The following TCF4 variants were observed in gnomAD, a reference collection of about 807,000 sequenced individuals.
TCF4 encodes transcription factor 4, also known as SL3-3 enhancer factor 2.
TCF4 carries 3 observed loss-of-function variants against 82.1 expected under a neutral mutation model. The observed-to-expected ratio is 0.04, with a 90% CI of 0.02 to 0.09. The LOEUF (loss-of-function observed/expected upper bound fraction) is 0.09. TCF4 is among the 10% of genes least tolerant of loss of function. The pLI is 1.00. For missense variants in TCF4, 518 were observed against 852.7 expected, an observed-to-expected ratio of 0.61 and a Z score of 4.89; for synonymous variants, 276 against 309.6, an observed-to-expected ratio of 0.89 and a Z score of 1.14.
At chr18:55,333,970 A>G (rs565177430) in intron 8 of TCF4, among the ~76,000 whole-genome samples, 1 of 152,274 alleles carries the variant, frequency 6.6e-6, no homozygotes, top group South Asian at 2.1e-4. Context: ...GACCCCTTTC[A>G]TGAATTTTTA....
chr18:55,615,419 C>CT (rs145887715), intron 2 of TCF4, among the ~76,000 whole-genome samples: 43 of 147,102 alleles, frequency 2.9e-4, no homozygotes, highest in East Asian at 7.9e-4. Flanking sequence ...CTCAAACTTG[C>CT]TTTTTTTTTT....
chr18:55,499,385 T>G (rs1448894847), intron 3 of TCF4, among the ~76,000 whole-genome samples: 1 of 152,200 alleles, frequency 6.6e-6, no homozygotes, highest in East Asian at 1.9e-4. Context: ...TGTGAAAGCC[T>G]TAGTAGAGGC....
intron 3 of TCF4, among the ~76,000 whole-genome samples, chr18:55,479,713 C>A (rs868451562): frequency 6.6e-6 from 1 of 152,116 alleles, no homozygotes; most frequent in Non-Finnish European, 1.5e-5. Context: ...CAGGCTAGGA[C>A]CAGAGCCCAC....
intron 6 of TCF4, among the ~76,000 whole-genome samples, chr18:55,386,411 A>C (rs1326843495): frequency 2.6e-5 from 4 of 152,132 alleles, no homozygotes; most frequent in African/African-American, 9.7e-5. Context: ...TTCTGACCGA[A>C]AGCTTTTTCC....
At chr18:55,352,812 G>A (rs1430846177) in intron 6 of TCF4, among the ~76,000 whole-genome samples, 3 of 151,982 alleles carry the variant, frequency 2.0e-5, no homozygotes, top group Admixed American at 1.3e-4. Flanking sequence ...TTCACTCTTC[G>A]CATTTCTTAT....
At chr18:55,508,685 CCACCCTTCCCAGCT>C (rs1407034825) in intron 3 of TCF4, among the ~76,000 whole-genome samples, 8 of 152,054 alleles carry the variant, frequency 5.3e-5, no homozygotes, top group Non-Finnish European at 1.2e-4. Context: ...GCTTTCCAGC[CCACCCTTCCCAGCT>C]CACACTTGCT....
At chr18:55,324,787 T>A (rs2076280124) in intron 8 of TCF4, among the ~76,000 whole-genome samples, 1 of 152,068 alleles carries the variant, frequency 6.6e-6, no homozygotes, top group East Asian at 1.9e-4. Context: ...GACAAAGCAC[T>A]ATTGAGGACA....
intron 15 of TCF4, among the ~76,000 whole-genome samples, chr18:55,243,869 T>C (rs1342081126): frequency 1.3e-5 from 2 of 152,162 alleles, no homozygotes; most frequent in Non-Finnish European, 2.9e-5. Flanking sequence ...CGTTCACCCA[T>C]TTCTCTGTCC....
At chr18:55,393,267 G>A (rs1013891664) in intron 6 of TCF4, among the ~76,000 whole-genome samples, 2 of 152,164 alleles carry the variant, frequency 1.3e-5, no homozygotes, top group African/African-American at 2.4e-5. Context: ...AGGAGGCTGA[G>A]GAGGGAGGAT....
At chr18:55,523,552 C>T (rs1013693292) in intron 3 of TCF4, among the ~76,000 whole-genome samples, 10 of 151,844 alleles carry the variant, frequency 6.6e-5, no homozygotes, top group African/African-American at 2.4e-4. Flanking sequence ...TAAAGACTAC[C>T]ACCAGGCAAT....
At chr18:55,593,166 TTGTGCCA>T (rs1370204662), upstream of TCF4, among the ~76,000 whole-genome samples, 17 of 152,330 alleles carry the variant, frequency 1.1e-4, no homozygotes, top group Admixed American at 1.1e-3. Context: ...ATCTGATTCA[TTGTGCCA>T]CCTATACTCA....
intron 17 of TCF4, 124 bp from the exon 18 acceptor site, chr18:55,229,200 A>G: frequency 1.9e-6 from 2 of 1,028,016 alleles, no homozygotes; most frequent in South Asian, 2.6e-5. Context: ...TTTTGGCAGA[A>G]TTTTTATATC....
At chr18:55,435,741 G>C (rs1312763954) in intron 5 of TCF4, among the ~76,000 whole-genome samples, 1 of 152,176 alleles carries the variant, frequency 6.6e-6, no homozygotes, top group Non-Finnish European at 1.5e-5. Flanking sequence ...TCCCATGCCA[G>C]CTCCCTCTGG....
At chr18:55,450,627 AGC>A (rs994132283) in intron 5 of TCF4, among the ~76,000 whole-genome samples, 1 of 152,216 alleles carries the variant, frequency 6.6e-6, no homozygotes, top group African/African-American at 2.4e-5. Context: ...TTCTATACCA[AGC>A]GTCTGTGGAG....
At chr18:55,518,654 A>T (rs1027775856) in intron 3 of TCF4, among the ~76,000 whole-genome samples, 3 of 152,212 alleles carry the variant, frequency 2.0e-5, no homozygotes, top group Non-Finnish European at 2.9e-5. Flanking sequence ...AGCAAGGATG[A>T]ATAACCCAGA....
intron 8 of TCF4, among the ~76,000 whole-genome samples, chr18:55,316,970 C>A (rs2074302760): frequency 6.6e-6 from 1 of 151,984 alleles, no homozygotes; most frequent in African/African-American, 2.4e-5. Flanking sequence ...ATTAGCCTCA[C>A]AGAAACGTTC....
intron 3 of TCF4, among the ~76,000 whole-genome samples, chr18:55,530,560 A>AAG (rs1555729248): frequency 5.0e-5 from 2 of 40,040 alleles, no homozygotes; most frequent in East Asian, 6.4e-3. Context: ...TGGCCCTGAA[A>AAG]AGGGGGGGGG....
intron 3 of TCF4, among the ~76,000 whole-genome samples, chr18:55,482,441 G>A (rs140300102): frequency 1.3e-4 from 20 of 152,300 alleles, no homozygotes; most frequent in Admixed American, 3.3e-4. Context: ...CACCAGGGAT[G>A]TAGTGATCCC....
intron 5 of TCF4, among the ~76,000 whole-genome samples, chr18:55,458,266 TTGAGACAGAAACAAA>T (rs2095805625): frequency 6.6e-6 from 1 of 152,214 alleles, no homozygotes; most frequent in Non-Finnish European, 1.5e-5. Context: ...AATTAAGCCT[TTGAGACAGAAACAAA>T]TACTTTGTAG....
Sources: allele counts gnomAD v4.1 joint callset (sites outside exome capture counted in the v4.1 genomes callset), GRCh38; gene constraint gnomAD v4.1.1; transcripts MANE v1.5; gene names NCBI Gene and HGNC (gene_info 2026-07-23, HGNC 2026-07-21).